The following PLXNA4 variants were observed in gnomAD, a reference collection of about 807,000 sequenced individuals.
The protein encoded by PLXNA4 is plexin-A4.
Under a neutral mutation model 191.8 loss-of-function variants are expected in PLXNA4, and 44 were observed. That is an observed-to-expected ratio of 0.23 (90% confidence interval 0.18 to 0.29). The LOEUF (loss-of-function observed/expected upper bound fraction) is 0.29, where lower values mean the gene tolerates loss of function less well. Ranked by LOEUF, PLXNA4 falls within the 10% of genes least tolerant of loss-of-function variation. The pLI is 1.00. For missense variants in PLXNA4, 1,800 were observed against 2,488.8 expected (o/e 0.72, Z 5.89); for synonymous variants, 1,082 against 1,009.5 (o/e 1.07, Z -1.36).
At chr7:132,228,278 G>A in intron 6 of PLXNA4, 68 bp downstream of exon 6, 2 of 1,601,364 alleles carry the variant, frequency 1.2e-6, no homozygotes, top group African/African-American at 1.3e-5. Context: ...TTGGGCTAAG[G>A]CACTTTTTAG....
chr7:132,546,121 C>A (rs1301079140), intron 1 of PLXNA4, among the ~76,000 whole-genome samples: 2 of 152,174 alleles, frequency 1.3e-5, no homozygotes, highest in Non-Finnish European at 2.9e-5. Flanking sequence ...TTGGCCATCA[C>A]CCAAGTACTT....
rs79800451 is a variant in PLXNA4, at chr7:132,600,764, T to A, written c.-87+45164A>T. 7.4e-3 allele frequency among the ~76,000 whole-genome samples: 1,123 copies of A among 152,292 alleles called. 15 individuals are homozygous for A. The highest frequency in any genetic ancestry group is 0.026 in the African/African-American group (1,082 of 41,572). The stretch of plus-strand genomic sequence containing the variant: ...CCTATAATTATTCATAACACTCTTA[T>A]TATTTTACTTCCTGATTTGTCTATA... On this transcript the variant is annotated intron_variant, in intron 2 of 4. Coordinates refer to the PLXNA4 transcript ENST00000378539.
Position 132,179,599 on chromosome 7 carries a change from CAT to C in PLXNA4, c.3874+86_3874+87del, listed in dbSNP as rs535128697. The C allele has an allele frequency of 7.6e-5, 116 of 1,526,026 alleles. No homozygotes were observed. In the African/African-American group the frequency reaches 1.3e-3, roughly 17 times the overall value. 94.5% of individuals were successfully genotyped at this position (1,526,026 alleles called of 1,614,324 possible). A position where few individuals can be genotyped will look rare whatever the true frequency, so the allele number is the denominator to read the frequency against. On this transcript the variant is annotated intron_variant, in intron 20 of 31. Transcript: ENST00000321063. ...CCAGCCTGCTTGTTTGTATATGAAACATATGCATACACATACACAGATGTGCA... is the reference window on the plus strand; with the variant it reads ...CCAGCCTGCTTGTTTGTATATGAAACATGCATACACATACACAGATGTGCA...
At chr7:132,157,913 G>A (rs1401595381) in intron 25 of PLXNA4, among the ~76,000 whole-genome samples, 1 of 152,208 alleles carries the variant, frequency 6.6e-6, no homozygotes, top group African/African-American at 2.4e-5. Flanking sequence ...CCATGAGTCT[G>A]TGGGCTCTTC....
Position 132,545,644 on chromosome 7 carries a change from A to G in PLXNA4, c.-87+30778T>C, listed in dbSNP as rs1288576598. ...TCATTTTTTCTCTCCAAATGCCTTT[A>G]TTCCAGAAGAAAGCAAAACAGTGAG... On this transcript the variant is annotated intron_variant, in intron 1 of 31. Coordinates refer to ENST00000321063, the MANE Select transcript of PLXNA4 (RefSeq NM_020911.2). 3.9e-5 allele frequency among the ~76,000 whole-genome samples: 6 copies of G among 152,222 alleles called. No homozygotes were observed. The East Asian group carries it at 1.2e-3, about 29-fold the overall frequency.
intron 31 of PLXNA4, among the ~76,000 whole-genome samples, chr7:132,132,418 TTCTGTTCTGTTCTGTTCTGTTC>T (rs1563047940): frequency 9.8e-5 from 6 of 60,924 alleles, no homozygotes; most frequent in African/African-American, 3.5e-4. Context: ...TTCTGTTCTG[TTCTGTTCTGTTCTGTTCTGTTC>T]TGTTCTGTTC....
chr7:132,536,099 A>G (rs1457672273), intron 1 of PLXNA4, among the ~76,000 whole-genome samples: 2 of 152,088 alleles, frequency 1.3e-5, no homozygotes, highest in Non-Finnish European at 2.9e-5. Context: ...TGAACCTCGG[A>G]CCCTCGTGCA....
intron 3 of PLXNA4, among the ~76,000 whole-genome samples, chr7:132,359,218 T>C (rs1415781498): frequency 6.7e-6 from 1 of 149,312 alleles, no homozygotes; most frequent in Non-Finnish European, 1.5e-5. Flanking sequence ...GCTTTTTTTT[T>C]TTTTTTTTTT....
At chr7:132,436,347 G>C (rs1795468140) in intron 3 of PLXNA4, among the ~76,000 whole-genome samples, 1 of 152,220 alleles carries the variant, frequency 6.6e-6, no homozygotes, top group Non-Finnish European at 1.5e-5. Flanking sequence ...AACGGGGAGT[G>C]ATGAGGTAAG....
intron 14 of PLXNA4, among the ~76,000 whole-genome samples, chr7:132,189,003 A>AG (rs1796989906): frequency 9.1e-5 from 3 of 33,064 alleles, no homozygotes; most frequent in East Asian, 9.7e-4. Flanking sequence ...GGAGAGAGAG[A>AG]GAGAGAGAGA....
At chr7:132,515,490 T>C (rs1585257087) in intron 1 of PLXNA4, among the ~76,000 whole-genome samples, 1 of 152,166 alleles carries the variant, frequency 6.6e-6, no homozygotes, top group South Asian at 2.1e-4. Context: ...GTACAGTGTC[T>C]CCCACCACAA....
At chr7:132,259,465 A>AG (rs1799551875) in intron 4 of PLXNA4, among the ~76,000 whole-genome samples, 1 of 139,180 alleles carries the variant, frequency 7.2e-6, no homozygotes, top group African/African-American at 2.8e-5. Flanking sequence ...AAAAAAAAAA[A>AG]AAAAAAAAGA....
Position 132,197,088 on chromosome 7 carries a change from T to C in PLXNA4, c.2738+1397A>G, listed in dbSNP as rs933221563. 2.0e-5 allele frequency among the ~76,000 whole-genome samples: 3 copies of C among 152,366 alleles called. No homozygotes were observed. In the East Asian group the frequency reaches 5.8e-4, roughly 29 times the overall value. Reference sequence around the variant, plus strand: ...ACTCAAATCCCCTAATCTTTTTCTTTATAATTTCCTCTGTTGCTGTTATAC... The same window carrying C: ...ACTCAAATCCCCTAATCTTTTTCTTCATAATTTCCTCTGTTGCTGTTATAC... On this transcript the variant is annotated intron_variant, in intron 13 of 31. Transcript: ENST00000321063.
At chr7:132,174,980 T>A (rs941255388) in intron 20 of PLXNA4, 60 bp from the exon 21 acceptor site, 4 of 1,601,572 alleles carry the variant, frequency 2.5e-6, no homozygotes, top group Non-Finnish European at 3.4e-6. Flanking sequence ...GTCACCTCCA[T>A]CTCAGAATGC....
At chr7:132,547,947 C>T (rs866785778) in intron 1 of PLXNA4, among the ~76,000 whole-genome samples, 62 of 152,272 alleles carry the variant, frequency 4.1e-4, no homozygotes, top group Middle Eastern at 3.4e-3. Context: ...GGACAGAAAG[C>T]CTTCAGTGAC....
At chr7:132,281,992 G>C (rs1041150575) in intron 4 of PLXNA4, among the ~76,000 whole-genome samples, 4 of 152,130 alleles carry the variant, frequency 2.6e-5, no homozygotes, top group African/African-American at 4.8e-5. Context: ...GACTCAGCCA[G>C]TGAGGATGCC....
At chr7:132,438,870 C>T (rs1399667807) in intron 3 of PLXNA4, among the ~76,000 whole-genome samples, 1 of 152,126 alleles carries the variant, frequency 6.6e-6, no homozygotes, top group Non-Finnish European at 1.5e-5. Flanking sequence ...CAACTGCCCA[C>T]TGCTAGACAG....
intron 20 of PLXNA4, among the ~76,000 whole-genome samples, chr7:132,178,869 C>T (rs1584801817): frequency 7.8e-6 from 1 of 127,498 alleles, no homozygotes; most frequent in Non-Finnish European, 1.7e-5. Context: ...CACACACACA[C>T]ACACAGCCTC....
rs910040324 is a variant in PLXNA4, at chr7:132,336,402, A to G, written c.1372-38180T>C. On this transcript the variant is annotated intron_variant, in intron 3 of 31. Coordinates refer to ENST00000321063, the MANE Select transcript of PLXNA4 (RefSeq NM_020911.2). ...TCTTTCCAAAGTTTTCACATTGTAT[A>G]TCCTGATATGGGGGTTCAGAAATTA... 7.2e-5 allele frequency among the ~76,000 whole-genome samples: 11 copies of G among 152,212 alleles called. No homozygotes were observed. The East Asian group carries it at 9.7e-4, about 13-fold the overall frequency.
Sources: allele counts gnomAD v4.1 joint callset (sites outside exome capture counted in the v4.1 genomes callset), GRCh38; gene constraint gnomAD v4.1.1; transcripts MANE v1.5; gene names NCBI Gene and HGNC (gene_info 2026-07-23, HGNC 2026-07-21).